Variants in CDKN2B-AS1 observed in about 807,000 individuals in gnomAD.
CDKN2B-AS1 encodes the protein CDKN2B antisense RNA 1 (non-protein coding).
chr9:22,056,456 C>G (rs890243947), intron 4 of CDKN2B-AS1: 3 of 151,994 alleles, frequency 2.0e-5, no homozygotes, highest in Non-Finnish European at 4.4e-5. Flanking sequence ...TGGAGGGGAA[C>G]TGTGAAAATT....
chr9:22,053,794 T>C (rs2131286062), intron 3 of CDKN2B-AS1, among the ~76,000 whole-genome samples: 2 of 152,326 alleles, frequency 1.3e-5, no homozygotes, highest in South Asian at 4.1e-4. Context: ...ACCTGATTGC[T>C]GTATTTTATT....
intron 3 of CDKN2B-AS1, among the ~76,000 whole-genome samples, chr9:22,055,935 G>A (rs561339249): frequency 1.2e-4 from 19 of 152,118 alleles, no homozygotes; most frequent in African/African-American, 4.3e-4. Context: ...GGCATGCAAC[G>A]GGCTATCAGA....
At chr9:22,004,570 T>A (rs150924737) in intron 1 of CDKN2B-AS1, 4 of 232,598 alleles carry the variant, frequency 1.7e-5, no homozygotes, top group Non-Finnish European at 2.5e-5. Flanking sequence ...TGGAGTTCAA[T>A]CTCTGTTAAT....
At chr9:22,075,380 G>T (rs1824455523) in intron 4 of CDKN2B-AS1, among the ~76,000 whole-genome samples, 1 of 149,812 alleles carries the variant, frequency 6.7e-6, no homozygotes, top group Non-Finnish European at 1.5e-5. Context: ...GAATATGAAA[G>T]AAAGAGTCAT....
intron 3 of CDKN2B-AS1, among the ~76,000 whole-genome samples, chr9:22,050,957 C>G (rs1043439592): frequency 2.6e-5 from 4 of 152,160 alleles, no homozygotes; most frequent in African/African-American, 7.2e-5. Context: ...GTTTTTGCAG[C>G]TTTTTCACTG....
At chr9:22,021,737 A>G (rs918693889) in intron 1 of CDKN2B-AS1, among the ~76,000 whole-genome samples, 1 of 152,172 alleles carries the variant, frequency 6.6e-6, no homozygotes, top group Non-Finnish European at 1.5e-5. Context: ...TCACCTGCAA[A>G]GAAAGATAGT....
chr9:22,016,045 T>G (rs1821740882), intron 1 of CDKN2B-AS1, among the ~76,000 whole-genome samples: 1 of 152,242 alleles, frequency 6.6e-6, no homozygotes, highest in Non-Finnish European at 1.5e-5. Context: ...TTTTGTAGGT[T>G]GCCTGTTCAC....
At chr9:22,041,851 C>T (rs1467680175) in intron 1 of CDKN2B-AS1, among the ~76,000 whole-genome samples, 1 of 151,938 alleles carries the variant, frequency 6.6e-6, no homozygotes, top group Non-Finnish European at 1.5e-5. Flanking sequence ...TAGGGAGTGG[C>T]CTTGATTCCT....
chr9:22,091,903 T>A (rs1825101460), intron 4 of CDKN2B-AS1, among the ~76,000 whole-genome samples: 1 of 152,204 alleles, frequency 6.6e-6, no homozygotes, highest in South Asian at 2.1e-4. Flanking sequence ...CTTGTGCCAG[T>A]TTTCAAAGGG....
intron 1 of CDKN2B-AS1, chr9:22,012,052 T>C (rs13298881): frequency 0.081 from 47,128 of 582,954 alleles, 2,323 homozygotes; most frequent in Middle Eastern, 0.12. Context: ...TATTTTTATA[T>C]TCTAGTTGGT....
chr9:22,075,720 A>C (rs1336457021), intron 4 of CDKN2B-AS1, among the ~76,000 whole-genome samples: 19 of 152,210 alleles, frequency 1.2e-4, no homozygotes, highest in Admixed American at 1.2e-3. Flanking sequence ...CTCTGTGATC[A>C]GTTGCATTTA....
At chr9:22,089,610 CT>C (rs199914217) in intron 4 of CDKN2B-AS1, among the ~76,000 whole-genome samples, 2 of 150,912 alleles carry the variant, frequency 1.3e-5, no homozygotes, top group Non-Finnish European at 1.5e-5. Flanking sequence ...TCTCTCTTTT[CT>C]TTTTTTTTCC....
At chr9:22,092,095 G>T (rs532296108) in intron 4 of CDKN2B-AS1, among the ~76,000 whole-genome samples, 2 of 151,972 alleles carry the variant, frequency 1.3e-5, no homozygotes, top group South Asian at 4.2e-4. Flanking sequence ...GGTTTTTGTC[G>T]TTGGTTCTGT....
intron 1 of CDKN2B-AS1, among the ~76,000 whole-genome samples, chr9:22,024,292 C>T (rs995916381): frequency 1.3e-5 from 2 of 152,160 alleles, no homozygotes; most frequent in South Asian, 2.1e-4. Flanking sequence ...TCTGGTTCCT[C>T]GAGGTTTGGA....
In CDKN2B-AS1 at chr9:22,003,224, C is replaced by T. The variant is rs3217992; in HGVS notation, n.29+8063C>T. On this transcript the variant is annotated intron_variant and non_coding_transcript_variant, in intron 1 of 4. Transcript: ENST00000650946. ...ACATGGCATTGATAAGTTACTATTT[C>T]AATACAACCAGGTGGTAATTGATAC... 74,929 of 216,292 alleles carry T rather than the reference C, an allele frequency of 0.35. 14,389 individuals carry two copies. The highest frequency in any genetic ancestry group is 0.52 in the East Asian group (7,475 of 14,364). The allele number at this position is 216,292 out of a possible 1,614,324, so 13.4% of individuals were successfully genotyped here. A position where few individuals can be genotyped will look rare whatever the true frequency, so the allele number is the denominator to read the frequency against.
chr9:22,023,312 G>T (rs1013192624), intron 1 of CDKN2B-AS1, among the ~76,000 whole-genome samples: 1 of 151,994 alleles, frequency 6.6e-6, no homozygotes, highest in East Asian at 1.9e-4. Context: ...AGGAGGTTTT[G>T]TTTATTCATT....
chr9:22,102,843 G>A (rs1466301161), intron 4 of CDKN2B-AS1, among the ~76,000 whole-genome samples: 1 of 152,168 alleles, frequency 6.6e-6, no homozygotes, highest in African/African-American at 2.4e-5. Flanking sequence ...ACAAGGGTGT[G>A]GCCAGCAACT....
chr9:22,083,768 G>C (rs913918187), intron 4 of CDKN2B-AS1, among the ~76,000 whole-genome samples: 2 of 152,164 alleles, frequency 1.3e-5, no homozygotes, highest in Non-Finnish European at 2.9e-5. Context: ...AAGATGCTGA[G>C]TTCAGTTTTG....
At chr9:22,089,772 T>A (rs1260247860) in intron 4 of CDKN2B-AS1, among the ~76,000 whole-genome samples, 4 of 152,224 alleles carry the variant, frequency 2.6e-5, no homozygotes, top group South Asian at 2.1e-4. Context: ...CTTTTTTTTT[T>A]AATTTGGTAT....
Sources: gnomAD v4.1 joint callset for allele counts (sites outside exome capture counted in the v4.1 genomes callset) on GRCh38, gnomAD v4.1.1 for gene constraint, MANE v1.5 for transcripts, NCBI Gene and HGNC (gene_info 2026-07-23, HGNC 2026-07-21) for gene names.